TSHZ2: variants seen among roughly 807,000 people sequenced by gnomAD.
The protein encoded by TSHZ2 is teashirt homolog 2.
TSHZ2 carries 21 observed loss-of-function variants against 74.4 expected under a neutral mutation model. The observed-to-expected ratio is 0.28, with a 90% CI of 0.20 to 0.41. The LOEUF is 0.41. TSHZ2 is among the 10% of genes least tolerant of loss of function. TSHZ2 has a pLI of 1.00. For synonymous variants in TSHZ2, 540 were observed against 515.3 expected (o/e 1.05, Z -0.65); for missense variants, 1,244 against 1,293.5 (o/e 0.96, Z 0.59).
intron 2 of TSHZ2, among the ~76,000 whole-genome samples, chr20:53,366,988 A>G (rs995982838): frequency 1.3e-5 from 2 of 152,198 alleles, no homozygotes; most frequent in African/African-American, 4.8e-5. Context: ...TTTTCAGTGT[A>G]GACGCTAGGA....
At chr20:53,241,331 T>C (rs1250112762) in intron 1 of TSHZ2, among the ~76,000 whole-genome samples, 5 of 152,198 alleles carry the variant, frequency 3.3e-5, no homozygotes, top group Non-Finnish European at 7.4e-5. Flanking sequence ...TCAGACTCGC[T>C]GTTCCATATA....
chr20:53,092,781 T>A (rs1985922699), intron 1 of TSHZ2, among the ~76,000 whole-genome samples: 1 of 152,186 alleles, frequency 6.6e-6, no homozygotes, highest in African/African-American at 2.4e-5. Context: ...ATCACGTTTG[T>A]TTTGGACATT....
At chr20:53,079,830 T>C (rs1161852174) in intron 1 of TSHZ2, among the ~76,000 whole-genome samples, 1 of 152,066 alleles carries the variant, frequency 6.6e-6, no homozygotes, top group Admixed American at 6.5e-5. Flanking sequence ...TCTGTTTTTT[T>C]TTTCTTTTTT....
At chr20:53,020,089 AC>A (rs1983185138) in intron 1 of TSHZ2, among the ~76,000 whole-genome samples, 1 of 151,776 alleles carries the variant, frequency 6.6e-6, no homozygotes, top group African/African-American at 2.4e-5. Flanking sequence ...GCTCGTGAGA[AC>A]CCCCGCACTA....
chr20:53,246,580 C>G (rs948324607), intron 1 of TSHZ2, among the ~76,000 whole-genome samples: 1 of 152,150 alleles, frequency 6.6e-6, no homozygotes, highest in Admixed American at 6.5e-5. Flanking sequence ...CATAACTCAC[C>G]TCTCTACTTG....
intron 2 of TSHZ2, among the ~76,000 whole-genome samples, chr20:53,289,753 T>C (rs1393110928): frequency 6.6e-6 from 1 of 152,166 alleles, no homozygotes; most frequent in African/African-American, 2.4e-5. Context: ...ATCTGGGAAG[T>C]TGAAATAAAT....
intron 1 of TSHZ2, among the ~76,000 whole-genome samples, chr20:53,163,461 T>A (rs977244543): frequency 2.8e-4 from 42 of 147,612 alleles, no homozygotes; most frequent in South Asian, 6.3e-4. Context: ...ATTTTATTTT[T>A]TTTTATTATA....
chr20:53,261,489 A>G (rs1479435191), intron 2 of TSHZ2, among the ~76,000 whole-genome samples: 1 of 152,250 alleles, frequency 6.6e-6, no homozygotes, highest in Admixed American at 6.5e-5. Context: ...AAAGGAAATG[A>G]GAACTGAGGA....
chr20:53,274,750 C>T (rs185953158), intron 2 of TSHZ2, among the ~76,000 whole-genome samples: 2 of 152,348 alleles, frequency 1.3e-5, no homozygotes, highest in South Asian at 2.1e-4. Flanking sequence ...CATGCAGAAA[C>T]GTTGCCTATC....
intron 1 of TSHZ2, among the ~76,000 whole-genome samples, chr20:53,006,818 G>A (rs1982662953): frequency 6.6e-6 from 1 of 152,140 alleles, no homozygotes; most frequent in Non-Finnish European, 1.5e-5. Context: ...GTCATGTTGG[G>A]TGGTGGTGGG....
chr20:53,456,464 G>C (rs1166090792), intron 2 of TSHZ2, among the ~76,000 whole-genome samples: 5 of 139,334 alleles, frequency 3.6e-5, no homozygotes, highest in African/African-American at 1.4e-4. Context: ...TTAGCCCTTT[G>C]TCAGATGAGT....
chr20:53,423,065 A>G (rs751223443), intron 2 of TSHZ2, among the ~76,000 whole-genome samples: 1 of 152,218 alleles, frequency 6.6e-6, no homozygotes, highest in South Asian at 2.1e-4. Flanking sequence ...GTCTAGCCAG[A>G]TGAGAAACCC....
At chr20:53,436,620 A>G (rs1339197481) in intron 2 of TSHZ2, among the ~76,000 whole-genome samples, 2 of 141,034 alleles carry the variant, frequency 1.4e-5, no homozygotes, top group African/African-American at 2.7e-5. Context: ...ATCTTGGCTC[A>G]CTGCAACCTC....
chr20:53,133,969 G>GAAAAAGAAA (rs1987176224), intron 1 of TSHZ2, among the ~76,000 whole-genome samples: 1 of 127,908 alleles, frequency 7.8e-6, no homozygotes, highest in Non-Finnish European at 1.7e-5. Flanking sequence ...CATTTTTTCT[G>GAAAAAGAAA]AAAAAAAAAA....
Position 53,255,229 on chromosome 20 carries a change from C to T in TSHZ2, c.1771C>T (p.Pro591Ser). ...KWKVMPLVSM[P>S]THLAPYTQVK... Reference sequence around the variant, plus strand: ...GAAAGTGATGCCACTGGTTTCTATGCCCACACACCTGGCCCCTTACACTCA... The same window carrying T: ...GAAAGTGATGCCACTGGTTTCTATGTCCACACACCTGGCCCCTTACACTCA... Residue 591 changes from proline to serine, a missense_variant, in exon 2 of 3, where the codon CCC (proline) becomes TCC (serine). By Grantham distance (74) the Pro-to-Ser change is moderately conservative (BLOSUM62 -1). Around this residue, in one of 6 missense-constraint regions of TSHZ2, gnomAD observed 562 missense variants for 544.0 expected, o/e 1.03. Transcript: ENST00000371497. This position sits in a 1 kb window ranked among gnomAD's most constrained non-coding sequence, Gnocchi z 4.1. The T allele has an allele frequency of 5.0e-6, 8 of 1,614,164 alleles. No individual in the cohort carries two copies. Among genetic ancestry groups the T allele is most frequent in the Non-Finnish European group, 6.8e-6 (8 of 1,180,044 alleles).
At chr20:53,080,369 ATAT>A (rs1985494728) in intron 1 of TSHZ2, among the ~76,000 whole-genome samples, 1 of 152,212 alleles carries the variant, frequency 6.6e-6, no homozygotes, top group African/African-American at 2.4e-5. Context: ...ACAGGAAATG[ATAT>A]TGTTGTAGGC....
At chr20:53,164,105 G>A (rs890827216) in intron 1 of TSHZ2, among the ~76,000 whole-genome samples, 1 of 151,858 alleles carries the variant, frequency 6.6e-6, no homozygotes, top group Non-Finnish European at 1.5e-5. Flanking sequence ...AAACACCACT[G>A]TGGTGAACAT....
At chr20:53,028,782 A>G (rs1983537837) in intron 1 of TSHZ2, among the ~76,000 whole-genome samples, 1 of 152,034 alleles carries the variant, frequency 6.6e-6, no homozygotes, top group South Asian at 2.1e-4. Flanking sequence ...TCTGGCCTGC[A>G]CTCTGGAGAT....
At chr20:53,466,044 C>A (rs1319967630) in intron 2 of TSHZ2, among the ~76,000 whole-genome samples, 3 of 150,928 alleles carry the variant, frequency 2.0e-5, no homozygotes, top group Non-Finnish European at 4.4e-5. Flanking sequence ...GTCAGGAGTT[C>A]GAGACTAGCC....
Sources: allele counts gnomAD v4.1 joint callset (sites outside exome capture counted in the v4.1 genomes callset), GRCh38; gene constraint gnomAD v4.1.1; regional missense constraint gnomAD v4.1.1; non-coding constraint Gnocchi (gnomAD v3.1); transcripts MANE v1.5; gene names NCBI Gene and HGNC (gene_info 2026-07-23, HGNC 2026-07-21).